Variants in SLF2 observed in about 807,000 individuals in gnomAD.
SLF2 encodes SMC5/6 complex localization factor 2, also known as SMC5-SMC6 complex localization factor protein 2.
A neutral mutation model predicts 124.3 loss-of-function variants in SLF2; 68 were observed. The observed-to-expected ratio is 0.55, with a 90% CI of 0.45 to 0.67. SLF2 has a LOEUF of 0.67. Ranked by LOEUF, SLF2 falls within the 30% of genes least tolerant of loss-of-function variation. The pLI is 0.00. For missense variants in SLF2, 1,246 were observed against 1,373.7 expected (o/e 0.91, Z 1.47); for synonymous variants, 480 against 478.8 (o/e 1.00, Z -0.03).
intron 9 of SLF2, among the ~76,000 whole-genome samples, chr10:100,936,488 C>G (rs2133795104): frequency 6.6e-6 from 1 of 152,166 alleles, no homozygotes; most frequent in South Asian, 2.1e-4. Context: ...AACCCGCCAC[C>G]ACGCCTGGCT....
chr10:100,917,684 C>G (rs1477697309), intron 3 of SLF2, among the ~76,000 whole-genome samples: 1 of 152,106 alleles, frequency 6.6e-6, no homozygotes, highest in African/African-American at 2.4e-5. Context: ...TCAAATGATG[C>G]TCTCACCTCA....
In SLF2 at chr10:100,962,199, C is replaced by T; in HGVS notation, c.*287C>T. On this transcript the variant is annotated 3_prime_UTR_variant, in exon 20 of 20. Coordinates refer to ENST00000238961, the MANE Select transcript of SLF2 (RefSeq NM_018121.4). ...AATAATAGTCATATGTCTAACCTGC[C>T]CCAGTTAACTCCTCTTGTTAAATTA... 1 of 260,088 alleles carries T rather than the reference C, an allele frequency of 3.8e-6. No homozygotes were observed. The highest frequency in any genetic ancestry group is 7.2e-6 in the Non-Finnish European group (1 of 138,716). 16.1% of individuals were successfully genotyped at this position (260,088 alleles called of 1,614,324 possible).
chr10:100,928,066 C>CAAGAGAGAG (rs1849651339), intron 6 of SLF2, among the ~76,000 whole-genome samples: 2 of 68,836 alleles, frequency 2.9e-5, no homozygotes, highest in Admixed American at 1.7e-4. Context: ...CACACACACA[C>CAAGAGAGAG]ACGAGAGAGA....
At position 100,915,999 on chromosome 10, in the gene SLF2, G is replaced by A. The variant is rs1204298619; in HGVS notation, c.141G>A (p.Arg47=). The part of the protein sequence containing the change: ...AGKRTESPGD[R]KQSIIDFFKP... ...TGCCATATTATGCTTTTATTTTCAG[G>A]AAGCAGTCAATTATAGATTTCTTCA... The change falls in exon 2 of 20, where the codon AGG becomes AGA. Residue 47 remains arginine, a splice_region_variant and synonymous_variant. Coordinates refer to ENST00000238961, the MANE Select transcript of SLF2 (RefSeq NM_018121.4). The A allele has an allele frequency of 1.2e-6, 2 of 1,608,640 alleles. No homozygotes were observed. The highest frequency in any genetic ancestry group is 1.1e-5 in the South Asian group (1 of 90,848).
Position 100,950,089 on chromosome 10 carries a change from A to T in SLF2, c.3134A>T (p.His1045Leu). The T allele has an allele frequency of 6.2e-7, 1 of 1,611,480 alleles. No homozygotes were observed. The highest frequency in any genetic ancestry group is 8.5e-7 in the Non-Finnish European group (1 of 1,178,814). The change falls in exon 16 of 20, where the codon CAT becomes CTT. Residue 1045 changes from histidine to leucine, a missense_variant. By Grantham distance (99) the His-to-Leu change is moderately conservative. Coordinates refer to ENST00000238961, the MANE Select transcript of SLF2 (RefSeq NM_018121.4). Reference sequence around the variant, plus strand: ...TTCTTTTGATAGGTATCAGTCCTACATCGCTATCTTGTGCAGATGAAGCCT... The same window carrying T: ...TTCTTTTGATAGGTATCAGTCCTACTTCGCTATCTTGTGCAGATGAAGCCT... The part of the protein sequence containing the change: ...NASNLQVSVL[H>L]RYLVQMKPSD...
At chr10:100,926,477 A>ATGGT in intron 6 of SLF2, 1 of 461,734 alleles carries the variant, frequency 2.2e-6, no homozygotes. Flanking sequence ...GGTGCCACAT[A>ATGGT]CCTATGGTCC....
chr10:100,960,151 G>C (rs753799577), intron 19 of SLF2, among the ~76,000 whole-genome samples: 7 of 152,108 alleles, frequency 4.6e-5, no homozygotes, highest in Non-Finnish European at 7.4e-5. Flanking sequence ...CCACTGTATG[G>C]ATATGTCACA....
chr10:100,963,673 A>G lies in SLF2; in HGVS notation c.*1761A>G, dbSNP rs948942909. On this transcript the variant is annotated 3_prime_UTR_variant, in exon 20 of 20. Transcript: ENST00000238961. The stretch of plus-strand genomic sequence containing the variant: ...ATATTTTTCTCATTTTGCATTGTGT[A>G]AAGTGTACAAAATCTCAAAGTATAA... 1.4e-4 allele frequency: 22 copies of G among 152,630 alleles called. No homozygotes were observed. Among genetic ancestry groups the G allele is most frequent in the Non-Finnish European group, 1.2e-4 (8 of 68,048 alleles). The allele number at this position is 152,630 out of a possible 1,614,324, so 9.5% of individuals were successfully genotyped here. A position where few individuals can be genotyped will look rare whatever the true frequency, so the allele number is the denominator to read the frequency against.
At chr10:100,936,267 T>G (rs1278543201) in intron 9 of SLF2, among the ~76,000 whole-genome samples, 1 of 152,022 alleles carries the variant, frequency 6.6e-6, no homozygotes, top group African/African-American at 2.4e-5. Context: ...ACTAGGGTAT[T>G]ATCGATATTC....
intron 4 of SLF2, among the ~76,000 whole-genome samples, chr10:100,923,462 C>A (rs1047849409): frequency 2.5e-4 from 38 of 151,810 alleles, no homozygotes; most frequent in African/African-American, 9.2e-4. Context: ...TCTCCAAAGA[C>A]AAAGACACCT....
Position 100,956,553 on chromosome 10 carries a change from C to CTTT in SLF2, c.3417+21_3417+23dup. ...CAGAACTAAGGTAAGTGTGTTCTTT[C>CTTT]TTTTTTTCTTTTTTTTTTTCTTAAT... On this transcript the variant is annotated intron_variant, in intron 18 of 19. Coordinates refer to ENST00000238961, the MANE Select transcript of SLF2 (RefSeq NM_018121.4). The CTTT allele has an allele frequency of 2.0e-6, 3 of 1,512,562 alleles. No homozygotes were observed. The highest frequency in any genetic ancestry group is 2.7e-6 in the Non-Finnish European group (3 of 1,112,880). The allele number at this position is 1,512,562 out of a possible 1,614,324, so 93.7% of individuals were successfully genotyped here.
chr10:100,932,708 T>TGC (rs1564775958), intron 9 of SLF2, among the ~76,000 whole-genome samples: 6 of 84,838 alleles, frequency 7.1e-5, no homozygotes, highest in African/African-American at 2.1e-4. Flanking sequence ...TGTGTGTGTG[T>TGC]GTGTGTGTGT....
At chr10:100,952,710 G>A (rs969165851) in intron 17 of SLF2, among the ~76,000 whole-genome samples, 3 of 151,732 alleles carry the variant, frequency 2.0e-5, no homozygotes, top group East Asian at 3.9e-4. Flanking sequence ...AGGCTGAGGC[G>A]GGTGGATCAC....
intron 17 of SLF2, among the ~76,000 whole-genome samples, chr10:100,952,969 A>G (rs1304236415): frequency 6.6e-6 from 1 of 152,204 alleles, no homozygotes; most frequent in East Asian, 1.9e-4. Context: ...TCTTCTGATT[A>G]GAAGCTAATA....
rs1589938430 is a variant in SLF2, at chr10:100,914,350, T to G, written c.140+1100T>G. On this transcript the variant is annotated intron_variant, in intron 1 of 19. Coordinates refer to ENST00000238961, the MANE Select transcript of SLF2 (RefSeq NM_018121.4). ...CCAGTTGTTAAATAAGCAGTGGACATTTTGTGTGCATATGAACTTAGAGAA... is the reference window on the plus strand; with the variant it reads ...CCAGTTGTTAAATAAGCAGTGGACAGTTTGTGTGCATATGAACTTAGAGAA... Among the ~76,000 whole-genome samples, 3 of 53,164 alleles carry G rather than the reference T, an allele frequency of 5.6e-5. No individual in the cohort carries two copies. In the Admixed American group the frequency reaches 7.2e-4, roughly 13 times the overall value. The allele number at this position is 53,164 out of a possible 152,430, so 34.9% of individuals were successfully genotyped here. A position where few individuals can be genotyped will look rare whatever the true frequency, so the allele number is the denominator to read the frequency against.
At position 100,926,097 on chromosome 10, in the gene SLF2, T is replaced by C. The variant is rs760687097; in HGVS notation, c.2042+78T>C. On this transcript the variant is annotated intron_variant, in intron 6 of 19. Transcript: ENST00000238961. ...TGGCTTACTTTTAATTTACCTTTTT[T>C]AAAAAATCATGAGAAATTAGCGTGC... 53 of 1,610,862 alleles carry C rather than the reference T, an allele frequency of 3.3e-5. No homozygotes were observed. The African/African-American group carries it at 5.7e-4, about 17-fold the overall frequency.
chr10:100,942,086 A>G (rs1351831254), intron 11 of SLF2, among the ~76,000 whole-genome samples: 1 of 152,128 alleles, frequency 6.6e-6, no homozygotes, highest in Admixed American at 6.5e-5. Context: ...TCAAATATAT[A>G]GGTTTTCTAC....
intron 5 of SLF2, 118 bp downstream of exon 5, chr10:100,925,090 A>G: frequency 3.8e-6 from 4 of 1,060,192 alleles, no homozygotes; most frequent in Non-Finnish European, 5.3e-6. Flanking sequence ...TCATATTTGT[A>G]CTGAAAATGG....
rs1364527085 is a variant in SLF2 at position 100,944,206 on chromosome 10, A to G, written c.2757+78A>G. On this transcript the variant is annotated intron_variant, in intron 12 of 19. Coordinates refer to ENST00000238961, the MANE Select transcript of SLF2 (RefSeq NM_018121.4). The stretch of plus-strand genomic sequence containing the variant: ...GTGGTTAATGGTTTTTAAAAAAAAA[A>G]AAGTCTCGGCCGGGCGCGGTGGCTC... 8.8e-6 allele frequency: 9 copies of G among 1,027,902 alleles called. 1 individual carries two copies. Among genetic ancestry groups the G allele is most frequent in the Non-Finnish European group, 1.1e-5 (8 of 728,554 alleles). The allele number at this position is 1,027,902 out of a possible 1,614,324, so 63.7% of individuals were successfully genotyped here.
Sources: gnomAD v4.1 joint callset for allele counts (sites outside exome capture counted in the v4.1 genomes callset) on GRCh38, gnomAD v4.1.1 for gene constraint, MANE v1.5 for transcripts, NCBI Gene and HGNC (gene_info 2026-07-23, HGNC 2026-07-21) for gene names.